The following DGLUCY variants were observed in gnomAD, a reference collection of about 807,000 sequenced individuals.
DGLUCY encodes D-glutamate cyclase.
Under a neutral mutation model 58.5 loss-of-function variants are expected in DGLUCY, and 58 were observed. That is an observed-to-expected ratio of 0.99 (90% CI 0.80 to 1.23). The LOEUF (loss-of-function observed/expected upper bound fraction) is 1.23, where lower values mean the gene tolerates loss of function less well. Among genes scored for constraint, DGLUCY ranks in the 50% most tolerant of loss-of-function variants. The pLI, the probability that DGLUCY is intolerant of heterozygous loss-of-function variation, is 0.00. For synonymous variants in DGLUCY, 325 were observed against 314.1 expected, an observed-to-expected ratio of 1.03 and a Z score of -0.37; for missense variants, 779 against 784.7, an observed-to-expected ratio of 0.99 and a Z score of 0.09.
chr14:91,164,042 C>T (rs1415763101), intron 3 of DGLUCY, among the ~76,000 whole-genome samples: 2 of 152,098 alleles, frequency 1.3e-5, no homozygotes, highest in African/African-American at 4.8e-5. Context: ...CTCCATCTCC[C>T]AGGTTCAAGC....
At chr14:91,065,825 G>A (rs2043810286) in intron 1 of DGLUCY, among the ~76,000 whole-genome samples, 1 of 152,306 alleles carries the variant, frequency 6.6e-6, no homozygotes, top group South Asian at 2.1e-4. Context: ...GATTAGTGAT[G>A]TGACCAGACA....
At chr14:91,128,327 A>C (rs1393952033) in intron 1 of DGLUCY, among the ~76,000 whole-genome samples, 12 of 135,404 alleles carry the variant, frequency 8.9e-5, no homozygotes, top group Non-Finnish European at 1.3e-4. Context: ...AAAAAAAAAA[A>C]CCCACAAGAA....
chr14:91,215,103 C>G (rs185169753), intron 12 of DGLUCY, among the ~76,000 whole-genome samples: 1 of 152,112 alleles, frequency 6.6e-6, no homozygotes, highest in Non-Finnish European at 1.5e-5. Context: ...GAGCCGAGAT[C>G]GCACCACTAC....
chr14:91,215,850 C>A, intron 13 of DGLUCY: 2 of 973,662 alleles, frequency 2.1e-6, no homozygotes, highest in East Asian at 4.8e-5. Flanking sequence ...TGGGGGTGGT[C>A]AGCATTGTTG....
intron 13 of DGLUCY, chr14:91,220,643 C>G: frequency 2.2e-6 from 1 of 456,270 alleles, no homozygotes; most frequent in Non-Finnish European, 4.4e-6. Context: ...AGCCGTTTCT[C>G]CCGCTGCCAC....
upstream of DGLUCY, among the ~76,000 whole-genome samples, chr14:91,111,327 C>T (rs2044698196): frequency 6.7e-6 from 1 of 149,820 alleles, no homozygotes; most frequent in Non-Finnish European, 1.5e-5. Flanking sequence ...GGTGGCCAGG[C>T]TGGAGTGCAG....
At chr14:91,136,280 C>T (rs2046334457) in intron 1 of DGLUCY, among the ~76,000 whole-genome samples, 1 of 151,994 alleles carries the variant, frequency 6.6e-6, no homozygotes, top group South Asian at 2.1e-4. Flanking sequence ...GGTGTGATAC[C>T]TTTCCTTCCC....
At chr14:91,082,892 T>C (rs2044150653) in intron 1 of DGLUCY, among the ~76,000 whole-genome samples, 1 of 152,180 alleles carries the variant, frequency 6.6e-6, no homozygotes. Flanking sequence ...TAGCTGGGAT[T>C]ACAGTCATGC....
At chr14:91,200,002 T>G in intron 11 of DGLUCY, 97 bp downstream of exon 11, 1 of 1,477,600 alleles carries the variant, frequency 6.8e-7, no homozygotes, top group Non-Finnish European at 9.3e-7. Flanking sequence ...TCACCCAGGC[T>G]GGAGTGCAGT....
intron 3 of DGLUCY, chr14:91,165,151 T>G: frequency 2.3e-6 from 1 of 425,844 alleles, no homozygotes. Flanking sequence ...ATTGTTTCAT[T>G]ACCTAGTATA....
chr14:91,171,472 C>T (rs1439679124), intron 5 of DGLUCY, among the ~76,000 whole-genome samples: 1 of 152,230 alleles, frequency 6.6e-6, no homozygotes, highest in Non-Finnish European at 1.5e-5. Context: ...GGCCAGACAG[C>T]CATCTGGGAT....
chr14:91,104,778 G>A (rs2044559863), upstream of DGLUCY, among the ~76,000 whole-genome samples: 1 of 152,114 alleles, frequency 6.6e-6, no homozygotes, highest in South Asian at 2.1e-4. Context: ...TCATTTCTAA[G>A]CTGGCTCTGG....
At chr14:91,214,475 C>CGATCCAGCG (rs1331784024) in intron 12 of DGLUCY, among the ~76,000 whole-genome samples, 1 of 152,208 alleles carries the variant, frequency 6.6e-6, no homozygotes, top group Non-Finnish European at 1.5e-5. Context: ...AGAGGTCATG[C>CGATCCAGCG]GATCCAGCGC....
intron 1 of DGLUCY, among the ~76,000 whole-genome samples, chr14:91,122,815 G>C (rs1441018389): frequency 6.6e-6 from 1 of 151,606 alleles, no homozygotes; most frequent in Non-Finnish European, 1.5e-5. Context: ...CACTATATTG[G>C]CCAGGCTGGT....
chr14:91,214,486 G>T (rs1006538061), intron 12 of DGLUCY, among the ~76,000 whole-genome samples: 2 of 152,232 alleles, frequency 1.3e-5, no homozygotes, highest in Admixed American at 1.3e-4. Flanking sequence ...GATCCAGCGC[G>T]ACGGGGCTGT....
chr14:91,113,248 G>A (rs957997318), upstream of DGLUCY, among the ~76,000 whole-genome samples: 4 of 152,214 alleles, frequency 2.6e-5, no homozygotes, highest in Non-Finnish European at 2.9e-5. Context: ...TGCAGTGAGC[G>A]GAGATCGTGC....
At chr14:91,169,937 A>G (rs74945528) in intron 4 of DGLUCY, 66 bp from the exon 5 acceptor site, 48,625 of 1,501,844 alleles carry the variant, frequency 0.032, 927 homozygotes, top group South Asian at 0.04. Flanking sequence ...CAGTCCTTCT[A>G]TAATGTATTA....
intron 6 of DGLUCY, among the ~76,000 whole-genome samples, chr14:91,175,416 C>G (rs1032467999): frequency 2.0e-5 from 3 of 152,152 alleles, no homozygotes; most frequent in African/African-American, 7.2e-5. Flanking sequence ...AAAATGCAGT[C>G]AGTACTTGCT....
At chr14:91,143,072 G>A (rs2046813086) in intron 1 of DGLUCY, among the ~76,000 whole-genome samples, 1 of 148,228 alleles carries the variant, frequency 6.7e-6, no homozygotes, top group African/African-American at 2.5e-5. Context: ...AGTTTTGGCA[G>A]TTCTTTTTTT....
Sources: allele counts gnomAD v4.1 joint callset (sites outside exome capture counted in the v4.1 genomes callset), GRCh38; gene constraint gnomAD v4.1.1; transcripts MANE v1.5; gene names NCBI Gene and HGNC (gene_info 2026-07-23, HGNC 2026-07-21).